Variants in HYDIN observed in about 807,000 individuals in gnomAD.
HYDIN encodes the protein HYDIN axonemal central pair apparatus protein, also known as axonemal central pair apparatus protein HYDIN.
HYDIN carries 132 observed loss-of-function variants against 403.9 expected under a neutral mutation model. The observed-to-expected ratio is 0.33, with a 90% CI of 0.28 to 0.38. The LOEUF (loss-of-function observed/expected upper bound fraction) is 0.38, where lower values mean the gene tolerates loss of function less well. Among genes scored for constraint, HYDIN ranks in the 10% least tolerant of loss-of-function variants. The probability of loss-of-function intolerance (pLI) is 1.00; values close to 1 mark genes in which losing one functional copy is unlikely to be tolerated. For synonymous variants in HYDIN, 1,202 were observed against 1,891.7 expected (o/e 0.64, Z 9.46); for missense variants, 2,827 against 5,009.5 (o/e 0.56, Z 13.15).
chr16:70,804,618 AAACGGAAAACTT>A lies in HYDIN; in HGVS notation c.*2950_*2961del, dbSNP rs71153604. ...ACACAGGACCAAGAATAAATATCTC[AAACGGAAAACTT>A]AACGTTTCCTAATGTTCAAGTTGTT... On this transcript the variant is annotated 3_prime_UTR_variant, in exon 86 of 86. Transcript: ENST00000393567. Among the ~76,000 whole-genome samples the A allele has an allele frequency of 0.12, 17,617 of 149,878 alleles. 1,108 individuals are homozygous for A. Among genetic ancestry groups the A allele is most frequent in the African/African-American group, 0.18 (7,136 of 39,392 alleles).
Position 70,804,658 on chromosome 16 carries a change from C to G in HYDIN, c.*2922G>C, listed in dbSNP as rs1415869653. On this transcript the variant is annotated 3_prime_UTR_variant, in exon 86 of 86. Coordinates refer to ENST00000393567, the MANE Select transcript of HYDIN (RefSeq NM_001270974.2). ...CGTTTCCTAATGTTCAAGTTGTTAT[C>G]TCCAGAGCATTGAGGGGAACTATGA... 6.6e-6 allele frequency among the ~76,000 whole-genome samples: 1 copy of G among 152,210 alleles called. No homozygotes were observed. The highest frequency in any genetic ancestry group is 6.5e-5 in the Admixed American group (1 of 15,284).
intron 19 of HYDIN, among the ~76,000 whole-genome samples, chr16:71,029,647 A>G (rs2080835356): frequency 7.6e-6 from 1 of 131,644 alleles, no homozygotes; most frequent in African/African-American, 2.9e-5. Context: ...CAGAGAGGAC[A>G]ATTCTTATAT....
chr16:71,068,272 A>G (rs1239879190), intron 14 of HYDIN, among the ~76,000 whole-genome samples: 2 of 148,038 alleles, frequency 1.4e-5, no homozygotes, highest in Admixed American at 6.8e-5. Context: ...TTTTCTATCT[A>G]TAAATTATGC....
chr16:70,830,447 CTTTT>C (rs58272927), intron 80 of HYDIN, among the ~76,000 whole-genome samples: 2 of 126,400 alleles, frequency 1.6e-5, no homozygotes, highest in East Asian at 4.3e-4. Flanking sequence ...ATGGTAGACA[CTTTT>C]TTTTTTTTTT....
intron 13 of HYDIN, among the ~76,000 whole-genome samples, chr16:71,072,784 A>T (rs2082507107): frequency 6.6e-6 from 1 of 151,942 alleles, no homozygotes; most frequent in South Asian, 2.1e-4. Context: ...TCATGCAGAC[A>T]TAACAAAATA....
intron 23 of HYDIN, among the ~76,000 whole-genome samples, chr16:70,992,781 C>A (rs1030988083): frequency 6.6e-6 from 1 of 152,186 alleles, no homozygotes; most frequent in Non-Finnish European, 1.5e-5. Context: ...AGCTGTGCTG[C>A]CACTCAAGTT....
intron 71 of HYDIN, among the ~76,000 whole-genome samples, chr16:70,859,013 G>A (rs2039218580): frequency 6.6e-6 from 1 of 151,842 alleles, no homozygotes; most frequent in Admixed American, 6.6e-5. Context: ...TAGAACTTTG[G>A]AATTTTGGTC....
chr16:71,092,971 C>A (rs2083158323), intron 11 of HYDIN, among the ~76,000 whole-genome samples: 1 of 146,158 alleles, frequency 6.8e-6, no homozygotes, highest in Admixed American at 7.0e-5. Flanking sequence ...CCACATTTCT[C>A]ATATGCAAAA....
rs1215449480 is a variant in HYDIN, at chr16:71,230,707, C to T, written c.-169G>A. 2.6e-6 allele frequency: 4 copies of T among 1,535,988 alleles called. No individual in the cohort carries two copies. Among genetic ancestry groups the T allele is most frequent in the Non-Finnish European group, 3.5e-6 (4 of 1,146,848 alleles). On this transcript the variant is annotated 5_prime_UTR_variant, in exon 1 of 86. Coordinates refer to ENST00000393567, the MANE Select transcript of HYDIN (RefSeq NM_001270974.2). ...CTCCATGCGCCGCCCGAGCTGTTGC[C>T]GTCCGTTGCCACGGTAACCACGGAG...
At chr16:71,211,499 G>A (rs185724417) in intron 1 of HYDIN, among the ~76,000 whole-genome samples, 30 of 152,074 alleles carry the variant, frequency 2.0e-4, no homozygotes, top group Admixed American at 5.9e-4. Context: ...AAAATTAGCC[G>A]GGCGTGGTGA....
intron 35 of HYDIN, among the ~76,000 whole-genome samples, chr16:70,972,052 T>G (rs76589280): frequency 6.6e-6 from 1 of 150,996 alleles, no homozygotes. Context: ...ACAAATCTAT[T>G]TTTTTTTTTT....
chr16:70,962,081 G>C lies in HYDIN; in HGVS notation c.5846C>G (p.Ser1949Trp), dbSNP rs566088656. 43 of 1,025,286 alleles carry C rather than the reference G, an allele frequency of 4.2e-5. No homozygotes were observed. The highest frequency in any genetic ancestry group is 5.1e-5 in the Non-Finnish European group (36 of 699,740). The allele number at this position is 1,025,286 out of a possible 1,614,324, so 63.5% of individuals were successfully genotyped here. A position where few individuals can be genotyped will look rare whatever the true frequency, so the allele number is the denominator to read the frequency against. Residue 1949 changes from serine (S) to tryptophan (W), a missense_variant, in exon 38 of 86, where the codon TCG becomes TGG. By Grantham distance (177) the Ser-to-Trp change is radical. Coordinates refer to ENST00000393567, the MANE Select transcript of HYDIN (RefSeq NM_001270974.2). ...TGTGACAGAGATCCCTCGGCTCAGC[G>C]ATGTCCTCTTTGTGCTATTGGAGGT... Reference protein sequence around the residue: ...QGTSNSTKRTSLSRGISVTSN... With the variant: ...QGTSNSTKRTWLSRGISVTSN...
chr16:71,130,481 T>TG (rs1274551186), intron 8 of HYDIN, among the ~76,000 whole-genome samples: 2 of 134,546 alleles, frequency 1.5e-5, no homozygotes, highest in Admixed American at 7.3e-5. Flanking sequence ...TTTTTTTTTT[T>TG]TTTTTTTTTT....
intron 39 of HYDIN, among the ~76,000 whole-genome samples, chr16:70,958,498 A>G (rs1046701325): frequency 4.0e-5 from 6 of 151,652 alleles, no homozygotes; most frequent in Non-Finnish European, 7.4e-5. Context: ...GGATCCATCA[A>G]CCATCCTTCT....
intron 75 of HYDIN, among the ~76,000 whole-genome samples, chr16:70,847,544 T>C (rs1388622488): frequency 6.6e-6 from 1 of 152,170 alleles, no homozygotes; most frequent in Non-Finnish European, 1.5e-5. Flanking sequence ...CATTTTTAAA[T>C]TGTTCCCCAA....
chr16:71,209,599 C>G (rs996448831), intron 1 of HYDIN, among the ~76,000 whole-genome samples: 1 of 152,098 alleles, frequency 6.6e-6, no homozygotes, highest in South Asian at 2.1e-4. Flanking sequence ...TCAAACTATC[C>G]CTGTTTGCAG....
At chr16:71,206,225 C>T (rs2088291890) in intron 1 of HYDIN, among the ~76,000 whole-genome samples, 2 of 152,170 alleles carry the variant, frequency 1.3e-5, no homozygotes, top group African/African-American at 4.8e-5. Context: ...CTGGCAAGGA[C>T]ATGTCTTGTT....
At chr16:70,971,017 C>T (rs188966638) in intron 35 of HYDIN, among the ~76,000 whole-genome samples, 123 of 152,300 alleles carry the variant, frequency 8.1e-4, no homozygotes, top group African/African-American at 2.1e-3. Flanking sequence ...AGTGCTTCAT[C>T]GTTTGTAGCA....
chr16:70,963,924 G>A (rs554733534), intron 37 of HYDIN, among the ~76,000 whole-genome samples: 1 of 150,070 alleles, frequency 6.7e-6, no homozygotes, highest in Admixed American at 6.7e-5. Context: ...TTCTTGGTTA[G>A]TGGTGGAGGC....
Sources: allele counts gnomAD v4.1 joint callset (sites outside exome capture counted in the v4.1 genomes callset), GRCh38; gene constraint gnomAD v4.1.1; transcripts MANE v1.5; gene names NCBI Gene and HGNC (gene_info 2026-07-23, HGNC 2026-07-21).